The following DAB1 variants were observed in gnomAD, a reference collection of about 807,000 sequenced individuals.
The protein encoded by DAB1 is disabled homolog 1.
DAB1 carries 15 observed loss-of-function variants against 64.6 expected under a neutral mutation model. The ratio of observed to expected loss-of-function variants is 0.23; its 90% CI spans 0.16 to 0.36. DAB1 has a LOEUF of 0.36. Ranked by LOEUF, DAB1 falls within the 10% of genes least tolerant of loss-of-function variation. The probability of loss-of-function intolerance (pLI) is 1.00; values close to 1 mark genes in which losing one functional copy is unlikely to be tolerated. For synonymous variants in DAB1, 235 were observed against 251.9 expected, an observed-to-expected ratio of 0.93 and a Z score of 0.64; for missense variants, 596 against 706.7, an observed-to-expected ratio of 0.84 and a Z score of 1.78.
intron 5 of DAB1, among the ~76,000 whole-genome samples, chr1:58,119,223 T>C (rs915614054): frequency 2.5e-5 from 2 of 79,020 alleles, no homozygotes; most frequent in African/African-American, 1.0e-4. Context: ...TGTGTGTGTG[T>C]GCGTGTGTGT....
chr1:58,118,560 A>T (rs1379122953), intron 5 of DAB1, among the ~76,000 whole-genome samples: 2 of 92,972 alleles, frequency 2.2e-5, no homozygotes, highest in East Asian at 1.1e-3. Flanking sequence ...CATATATATA[A>T]AATACATATA....
intron 2 of DAB1, among the ~76,000 whole-genome samples, chr1:57,157,657 A>G (rs947985350): frequency 6.6e-6 from 1 of 151,990 alleles, no homozygotes; most frequent in African/African-American, 2.4e-5. Context: ...TGAATACTCT[A>G]CTTTCATGAT....
intron 4 of DAB1, among the ~76,000 whole-genome samples, chr1:57,136,264 A>G (rs760055664): frequency 2.0e-5 from 3 of 152,194 alleles, no homozygotes; most frequent in Non-Finnish European, 4.4e-5. Flanking sequence ...AAACTGTCAC[A>G]TTACCCATTG....
intron 5 of DAB1, among the ~76,000 whole-genome samples, chr1:57,983,528 C>A (rs974454475): frequency 6.6e-6 from 1 of 152,132 alleles, no homozygotes; most frequent in Non-Finnish European, 1.5e-5. Context: ...CTAAATAGCT[C>A]TCCTGCAGCC....
At position 58,033,327 on chromosome 1, in the gene DAB1, GT is replaced by G. The variant is rs568704709; in HGVS notation, n.387+117183del. ...ACTCTCACTGTCTGGATTGTAATCA[GT>G]TCAGTGTCCTTTCATCCCACTTATC... On this transcript the variant is annotated intron_variant and non_coding_transcript_variant, in intron 5 of 20. Transcript: ENST00000485760. 2.5e-4 allele frequency among the ~76,000 whole-genome samples: 38 copies of G among 152,244 alleles called. No individual in the cohort carries two copies. In the East Asian group the frequency reaches 6.8e-3, roughly 27 times the overall value.
intron 4 of DAB1, among the ~76,000 whole-genome samples, chr1:58,309,977 T>C (rs1397465575): frequency 6.6e-6 from 1 of 152,214 alleles, no homozygotes; most frequent in African/African-American, 2.4e-5. Context: ...CAGATCTTGC[T>C]TAATTATTTC....
intron 5 of DAB1, among the ~76,000 whole-genome samples, chr1:57,939,591 A>G (rs1408316920): frequency 2.0e-5 from 3 of 152,046 alleles, no homozygotes; most frequent in Non-Finnish European, 2.9e-5. Flanking sequence ...CCTAGCGGTA[A>G]TTTCTTCCCA....
At chr1:58,179,338 C>T (rs1191945620) in intron 4 of DAB1, among the ~76,000 whole-genome samples, 1 of 152,092 alleles carries the variant, frequency 6.6e-6, no homozygotes, top group Non-Finnish European at 1.5e-5. Flanking sequence ...ATCAAGTTAA[C>T]ACTGGCCTCA....
At chr1:57,976,356 A>C (rs1645920039) in intron 5 of DAB1, among the ~76,000 whole-genome samples, 1 of 152,188 alleles carries the variant, frequency 6.6e-6, no homozygotes, top group Admixed American at 6.5e-5. Context: ...TGCCTGAGGC[A>C]CAAGCAAAGC....
At chr1:58,198,702 G>GGCT (rs1301956033) in intron 4 of DAB1, among the ~76,000 whole-genome samples, 97 of 152,214 alleles carry the variant, frequency 6.4e-4, no homozygotes, top group African/African-American at 2.3e-3. Context: ...TGGCTATAGT[G>GGCT]ATTGGTTCAG....
At chr1:57,170,292 C>A (rs1661622054) in intron 2 of DAB1, among the ~76,000 whole-genome samples, 1 of 152,134 alleles carries the variant, frequency 6.6e-6, no homozygotes, top group Non-Finnish European at 1.5e-5. Flanking sequence ...AGCCACCATG[C>A]CCAGCCCTTA....
intron 7 of DAB1, among the ~76,000 whole-genome samples, chr1:57,553,208 G>A (rs988092708): frequency 1.3e-5 from 2 of 151,494 alleles, no homozygotes; most frequent in Middle Eastern, 3.2e-3. Context: ...TAGGAATATG[G>A]CTTTGGAGTT....
intron 7 of DAB1, among the ~76,000 whole-genome samples, chr1:57,614,010 A>G (rs1341493246): frequency 6.6e-6 from 1 of 152,102 alleles, no homozygotes; most frequent in Non-Finnish European, 1.5e-5. Flanking sequence ...GGAGTCACAA[A>G]CTCAGGTTTC....
chr1:57,261,746 C>T (rs1670198464), intron 2 of DAB1, among the ~76,000 whole-genome samples: 1 of 152,170 alleles, frequency 6.6e-6, no homozygotes, highest in Non-Finnish European at 1.5e-5. Flanking sequence ...AAGTCACTTT[C>T]ACCTGAGTCA....
At chr1:58,282,605 TA>T (rs10641105) in intron 4 of DAB1, among the ~76,000 whole-genome samples, 14 of 147,898 alleles carry the variant, frequency 9.5e-5, no homozygotes, top group East Asian at 3.9e-4. Flanking sequence ...GCCTTTGTTC[TA>T]AAAAAAAAAA....
intron 1 of DAB1, chr1:57,878,458 T>A (rs528058198): frequency 6.6e-6 from 1 of 152,310 alleles, no homozygotes; most frequent in East Asian, 1.9e-4. Flanking sequence ...TAAAGGGTAA[T>A]TCTTTTAGAT....
chr1:57,871,223 T>G (rs1643943706), intron 1 of DAB1, among the ~76,000 whole-genome samples: 1 of 152,122 alleles, frequency 6.6e-6, no homozygotes, highest in South Asian at 2.1e-4. Context: ...TTGTGGGAAT[T>G]ATGTCTAACA....
At chr1:57,338,436 A>G (rs1362631742) in intron 1 of DAB1, among the ~76,000 whole-genome samples, 1 of 152,210 alleles carries the variant, frequency 6.6e-6, no homozygotes, top group Non-Finnish European at 1.5e-5. Flanking sequence ...TTTAGATGGT[A>G]GCTGTGCATA....
intron 7 of DAB1, among the ~76,000 whole-genome samples, chr1:57,566,281 T>A (rs1015125657): frequency 6.6e-6 from 1 of 152,150 alleles, no homozygotes; most frequent in African/African-American, 2.4e-5. Flanking sequence ...AAGCAGTGTG[T>A]AGAGGGAAAT....
Sources: gnomAD v4.1 joint callset for allele counts (sites outside exome capture counted in the v4.1 genomes callset) on GRCh38, gnomAD v4.1.1 for gene constraint, MANE v1.5 for transcripts, NCBI Gene and HGNC (gene_info 2026-07-23, HGNC 2026-07-21) for gene names.